The following UGT1A7 variants were observed in gnomAD, a reference collection of about 807,000 sequenced individuals.
The protein encoded by UGT1A7 is UDP-glucuronosyltransferase 1A7.
A neutral mutation model predicts 45.6 loss-of-function variants in UGT1A7; 33 were observed. The ratio of observed to expected loss-of-function variants is 0.72; its 90% CI spans 0.55 to 0.97. The LOEUF is 0.97. UGT1A7 is among the 50% of genes least tolerant of loss of function. The probability of loss-of-function intolerance (pLI) is 0.00; values close to 1 mark genes in which losing one functional copy is unlikely to be tolerated. For synonymous variants in UGT1A7, 274 were observed against 250.6 expected, an observed-to-expected ratio of 1.09 and a Z score of -0.88; for missense variants, 684 against 666.2, an observed-to-expected ratio of 1.03 and a Z score of -0.29.
chr2:233,716,057 A>G (rs1298941606), intron 1 of UGT1A7, among the ~76,000 whole-genome samples: 1 of 152,210 alleles, frequency 6.6e-6, no homozygotes, highest in Admixed American at 6.5e-5. Flanking sequence ...GTCCATTCTT[A>G]GTTGTATTCT....
rs202172337 is a variant in UGT1A7 at position 233,772,279 on chromosome 2, T to C, written c.1313T>C (p.Met438Thr). The change falls in exon 5 of 5, where the codon ATG becomes ACG. Residue 438 changes from methionine to threonine, a missense_variant. Met to Thr is a moderately conservative substitution (Grantham distance 81). Transcript: ENST00000373426. ...GTGTTTAGTTACAAGGAGAACATCA[T>C]GCGCCTCTCCAGCCTTCACAAGGAC... is the stretch of plus-strand genomic sequence containing the variant. ...INDKSYKENI[M>T]RLSSLHKDRP... is the part of the protein sequence containing the mutation. 1.3e-4 allele frequency: 204 copies of C among 1,614,264 alleles called. No individual in the cohort carries two copies. Among genetic ancestry groups the C allele is most frequent in the East Asian group, 4.2e-4 (19 of 44,890 alleles).
intron 1 of UGT1A7, among the ~76,000 whole-genome samples, chr2:233,733,920 G>C (rs2078453813): frequency 1.3e-5 from 2 of 151,954 alleles, no homozygotes; most frequent in Non-Finnish European, 1.5e-5. Context: ...GAATTCGGCT[G>C]TGAGGAAGGG....
chr2:233,747,176 G>A lies in UGT1A7; in HGVS notation c.856-19858G>A, dbSNP rs762899554. 48 of 1,600,122 alleles carry A rather than the reference G, an allele frequency of 3.0e-5. 1 individual carries two copies. The highest frequency in any genetic ancestry group is 8.1e-5 in the African/African-American group (6 of 74,200). On this transcript the variant is annotated intron_variant, in intron 1 of 4. Coordinates refer to ENST00000373426, the MANE Select transcript of UGT1A7 (RefSeq NM_019077.3). ...AGAAAACAAATGTAGGAGGCACAGCGTGGGGTGGACAGTCAGCTGTCCGTG... is the reference window on the plus strand; with the variant it reads ...AGAAAACAAATGTAGGAGGCACAGCATGGGGTGGACAGTCAGCTGTCCGTG...
chr2:233,760,155 C>T (rs2125979369), intron 1 of UGT1A7: 1 of 1,487,916 alleles, frequency 6.7e-7, no homozygotes, highest in Admixed American at 2.1e-5. Flanking sequence ...GAACTCCCTG[C>T]TACCTTTGTG....
rs561829360 is a variant in UGT1A7, at chr2:233,716,811, T to C, written c.855+34019T>C. On this transcript the variant is annotated intron_variant, in intron 1 of 4. Coordinates refer to ENST00000373426, the MANE Select transcript of UGT1A7 (RefSeq NM_019077.3). ...GCCTTTTTCTGTCTCTGGACGTTGC[T>C]GGGGTGACCTCACTGACACCCATGG... 6.6e-5 allele frequency among the ~76,000 whole-genome samples: 10 copies of C among 152,310 alleles called. No homozygotes were observed. The East Asian group carries it at 9.6e-4, about 15-fold the overall frequency.
chr2:233,716,449 C>T (rs2125648185), intron 1 of UGT1A7, among the ~76,000 whole-genome samples: 1 of 152,152 alleles, frequency 6.6e-6, no homozygotes, highest in Admixed American at 6.5e-5. Context: ...TTCATTTGGC[C>T]ATTTAAATTT....
At chr2:233,698,870 G>A (rs886928644) in intron 1 of UGT1A7, among the ~76,000 whole-genome samples, 1 of 152,196 alleles carries the variant, frequency 6.6e-6, no homozygotes, top group Non-Finnish European at 1.5e-5. Context: ...GTGACTTTGC[G>A]ACTTTGACCA....
At chr2:233,731,639 A>T (rs2078185645) in intron 1 of UGT1A7, among the ~76,000 whole-genome samples, 1 of 152,176 alleles carries the variant, frequency 6.6e-6, no homozygotes, top group Non-Finnish European at 1.5e-5. Flanking sequence ...GCTGCATAGT[A>T]TTCCATGGTG....
At chr2:233,718,693 G>A in intron 1 of UGT1A7, 3 of 1,590,692 alleles carry the variant, frequency 1.9e-6, no homozygotes. Context: ...ACTGGAGGAG[G>A]GCACTTTGTC....
intron 1 of UGT1A7, among the ~76,000 whole-genome samples, chr2:233,695,593 C>G (rs1462194089): frequency 1.3e-5 from 2 of 151,798 alleles, no homozygotes; most frequent in Non-Finnish European, 2.9e-5. Flanking sequence ...CCCTTTCCAC[C>G]TTCTGGTAAT....
chr2:233,714,048 G>C (rs2076362692), intron 1 of UGT1A7, among the ~76,000 whole-genome samples: 1 of 152,154 alleles, frequency 6.6e-6, no homozygotes, highest in Non-Finnish European at 1.5e-5. Flanking sequence ...GGTTTCAATG[G>C]CCACTGAGAG....
intron 1 of UGT1A7, among the ~76,000 whole-genome samples, chr2:233,757,151 G>T (rs1696421194): frequency 6.6e-6 from 1 of 151,298 alleles, no homozygotes; most frequent in African/African-American, 2.4e-5. Flanking sequence ...GGTGGGCTGG[G>T]GTCTATCCCA....
intron 1 of UGT1A7, among the ~76,000 whole-genome samples, chr2:233,735,882 G>T (rs1173866401): frequency 6.6e-6 from 1 of 152,160 alleles, no homozygotes; most frequent in Admixed American, 6.5e-5. Flanking sequence ...GAGATCTGCT[G>T]TTAGTCTGAT....
At chr2:233,695,798 A>G (rs1313678419) in intron 1 of UGT1A7, among the ~76,000 whole-genome samples, 1 of 152,172 alleles carries the variant, frequency 6.6e-6, no homozygotes, top group African/African-American at 2.4e-5. Context: ...TATATGTACT[A>G]TCTGTGAGTG....
chr2:233,716,067 T>C (rs1328183312), intron 1 of UGT1A7, among the ~76,000 whole-genome samples: 2 of 152,250 alleles, frequency 1.3e-5, no homozygotes, highest in Non-Finnish European at 2.9e-5. Flanking sequence ...AGTTGTATTC[T>C]TTCCACTGAG....
chr2:233,731,434 C>A (rs17862872), intron 1 of UGT1A7, among the ~76,000 whole-genome samples: 12,097 of 152,204 alleles, frequency 0.079, 644 homozygotes, highest in East Asian at 0.2. Flanking sequence ...ATCCCTCCCC[C>A]AGTCCCCCAC....
intron 1 of UGT1A7, among the ~76,000 whole-genome samples, chr2:233,703,977 G>A (rs139887897): frequency 2.6e-5 from 4 of 151,538 alleles, no homozygotes; most frequent in African/African-American, 4.9e-5. Flanking sequence ...TGCAACCTCC[G>A]CCTCCTGGGT....
intron 1 of UGT1A7, among the ~76,000 whole-genome samples, chr2:233,745,434 A>C (rs1034656561): frequency 2.6e-5 from 4 of 151,684 alleles, no homozygotes; most frequent in Non-Finnish European, 4.4e-5. Context: ...TTGTGAGGCA[A>C]TACACTAGTA....
intron 1 of UGT1A7, chr2:233,754,819 C>A (rs768110391): frequency 7.5e-7 from 1 of 1,334,292 alleles, no homozygotes; most frequent in Non-Finnish European, 1.0e-6. Flanking sequence ...AAACCACCCT[C>A]AAAAGCTGGA....
Sources: allele counts gnomAD v4.1 joint callset (sites outside exome capture counted in the v4.1 genomes callset), GRCh38; gene constraint gnomAD v4.1.1; transcripts MANE v1.5; gene names NCBI Gene and HGNC (gene_info 2026-07-23, HGNC 2026-07-21).